Variants in TMEM51 observed in about 807,000 individuals in gnomAD.
The protein encoded by TMEM51 is chromosome 1 open reading frame 72.
Under a neutral mutation model 13.6 loss-of-function variants are expected in TMEM51, and 8 were observed. That is an observed-to-expected ratio of 0.59 (90% CI 0.35 to 1.07). TMEM51 has a LOEUF of 1.07. Ranked by LOEUF, TMEM51 falls within the 50% of genes least tolerant of loss-of-function variation. The pLI, the probability that TMEM51 is intolerant of heterozygous loss-of-function variation, is 0.02. For synonymous variants in TMEM51, 147 were observed against 144.4 expected, an observed-to-expected ratio of 1.02 and a Z score of -0.13; for missense variants, 279 against 330.7, an observed-to-expected ratio of 0.84 and a Z score of 1.21.
intron 3 of TMEM51, 35 bp downstream of exon 3, chr1:15,215,466 G>A (rs774606234): frequency 1.1e-4 from 174 of 1,547,520 alleles, no homozygotes; most frequent in Non-Finnish European, 1.4e-4. Flanking sequence ...TCCCCGGATC[G>A]GGGATGGGCA....
At chr1:15,178,986 T>C (rs1291849471) in intron 1 of TMEM51, among the ~76,000 whole-genome samples, 1 of 152,150 alleles carries the variant, frequency 6.6e-6, no homozygotes, top group Non-Finnish European at 1.5e-5. Flanking sequence ...CGGTTCAACT[T>C]TCAAAGCTAA....
At chr1:15,152,621 C>A (rs1642434629), upstream of TMEM51, 1 of 152,240 alleles carries the variant, frequency 6.6e-6, no homozygotes, top group Non-Finnish European at 1.5e-5. Context: ...TCTCGGAATT[C>A]AAAAAAATCT....
At chr1:15,204,577 T>G (rs1474044122) in intron 1 of TMEM51, among the ~76,000 whole-genome samples, 2 of 152,126 alleles carry the variant, frequency 1.3e-5, no homozygotes, top group African/African-American at 4.8e-5. Context: ...CCTGCCTTGG[T>G]GGAAAGGCTG....
intron 1 of TMEM51, among the ~76,000 whole-genome samples, chr1:15,174,906 A>T (rs1283371551): frequency 6.6e-6 from 1 of 152,118 alleles, no homozygotes. Context: ...TCTAACCTGA[A>T]TTACCTACCC....
chr1:15,199,522 C>A (rs1259712736), intron 1 of TMEM51, among the ~76,000 whole-genome samples: 1 of 152,126 alleles, frequency 6.6e-6, no homozygotes. Flanking sequence ...GCCAGCTTTC[C>A]CTGCAGCATC....
At chr1:15,169,779 A>G (rs1043099422) in intron 1 of TMEM51, among the ~76,000 whole-genome samples, 1 of 152,246 alleles carries the variant, frequency 6.6e-6, no homozygotes, top group Non-Finnish European at 1.5e-5. Flanking sequence ...TAGTGTGCCA[A>G]TGTAAAAAGG....
chr1:15,201,553 C>T (rs1257541439), intron 1 of TMEM51, among the ~76,000 whole-genome samples: 1 of 152,026 alleles, frequency 6.6e-6, no homozygotes, highest in Non-Finnish European at 1.5e-5. Context: ...CGAAATGTAA[C>T]AGTTGGAAAA....
At chr1:15,185,033 G>A (rs145308768) in intron 1 of TMEM51, among the ~76,000 whole-genome samples, 1,928 of 152,136 alleles carry the variant, frequency 0.013, 13 homozygotes, top group Non-Finnish European at 0.019. Context: ...TGTCCTGCCT[G>A]CCCCACCCCC....
chr1:15,166,079 T>TG (rs1368932680), intron 1 of TMEM51, among the ~76,000 whole-genome samples: 2 of 152,186 alleles, frequency 1.3e-5, no homozygotes, highest in South Asian at 2.1e-4. Flanking sequence ...GGGGTAGCCA[T>TG]GGGGGGTTTC....
chr1:15,158,176 G>A (rs1642650558), intron 1 of TMEM51, among the ~76,000 whole-genome samples: 1 of 152,188 alleles, frequency 6.6e-6, no homozygotes, highest in South Asian at 2.1e-4. Context: ...GATCTAACCT[G>A]TAGGTCTCAC....
At chr1:15,219,274 G>T in intron 3 of TMEM51, 52 bp from the exon 4 acceptor site, 1 of 1,516,778 alleles carries the variant, frequency 6.6e-7, no homozygotes, top group South Asian at 1.3e-5. Context: ...TTGGGATTTT[G>T]AATGACTTGA....
chr1:15,162,986 TG>T (rs35828637), intron 1 of TMEM51, among the ~76,000 whole-genome samples: 25,230 of 151,894 alleles, frequency 0.17, 2,412 homozygotes, highest in African/African-American at 0.23. Flanking sequence ...GAACTGTTCA[TG>T]GAAAAATGGT....
intron 1 of TMEM51, among the ~76,000 whole-genome samples, chr1:15,183,662 C>T (rs1643685108): frequency 6.6e-6 from 1 of 152,226 alleles, no homozygotes; most frequent in Non-Finnish European, 1.5e-5. Flanking sequence ...GCCATCTGCC[C>T]TGTGTCTGCC....
rs777664754 is a variant in TMEM51, at chr1:15,219,542, T to C, written c.561T>C (p.Pro187=). 32 of 1,613,808 alleles carry C rather than the reference T, an allele frequency of 2.0e-5. No homozygotes were observed. In the South Asian group the frequency reaches 2.5e-4, roughly 13 times the overall value. ...ADVEASPGNP[P]DRQNSKLAKR... ...TGGAGGCCAGCCCTGGGAACCCCCC[T>C]GACAGGCAGAACTCTAAGTTGGCCA... The change falls in exon 4 of 4, where the codon CCT becomes CCC. Residue 187 remains proline, a synonymous_variant. Transcript: ENST00000376008.
At chr1:15,182,206 A>AATG (rs1452812707) in intron 1 of TMEM51, among the ~76,000 whole-genome samples, 41,782 of 148,804 alleles carry the variant, frequency 0.28, 6,371 homozygotes, top group East Asian at 0.47. Context: ...ATAAATAAAT[A>AATG]ACTGCACTAG....
chr1:15,179,533 A>C (rs1643548418), intron 1 of TMEM51, among the ~76,000 whole-genome samples: 1 of 152,246 alleles, frequency 6.6e-6, no homozygotes, highest in African/African-American at 2.4e-5. Context: ...CTGTAATCCC[A>C]TCACTTTGAG....
At chr1:15,185,867 G>T (rs1184326078) in intron 1 of TMEM51, among the ~76,000 whole-genome samples, 1 of 152,176 alleles carries the variant, frequency 6.6e-6, no homozygotes, top group Non-Finnish European at 1.5e-5. Flanking sequence ...GTAGCCTGTG[G>T]CCATCCTCCT....
chr1:15,203,755 A>G (rs922963131), intron 1 of TMEM51, among the ~76,000 whole-genome samples: 12 of 150,520 alleles, frequency 8.0e-5, no homozygotes, highest in African/African-American at 2.9e-4. Flanking sequence ...AGGTAAATGA[A>G]TAAACACCTG....
At chr1:15,188,876 A>G (rs1443164898) in intron 1 of TMEM51, among the ~76,000 whole-genome samples, 5 of 152,094 alleles carry the variant, frequency 3.3e-5, no homozygotes, top group Non-Finnish European at 7.4e-5. Context: ...GGATGATTCC[A>G]TTACAAAGAT....
Sources: gnomAD v4.1 joint callset for allele counts (sites outside exome capture counted in the v4.1 genomes callset) on GRCh38, gnomAD v4.1.1 for gene constraint, MANE v1.5 for transcripts, NCBI Gene and HGNC (gene_info 2026-07-23, HGNC 2026-07-21) for gene names.